The following OR1J2 variants were observed in gnomAD, a reference collection of about 807,000 sequenced individuals.
OR1J2 encodes olfactory receptor 1J2.
For synonymous variants in OR1J2, 142 were observed against 99.7 expected (o/e 1.42, Z -2.52); for missense variants, 304 against 246.1 (o/e 1.24, Z -1.57).
At chr9:122,553,746 C>T in the OR1J2 span, 3 of 1,614,000 alleles carry the variant, frequency 1.9e-6, no homozygotes, top group Non-Finnish European at 2.5e-6. Context: ...AGCCATCCCT[C>T]ATTTCTATTG....
chr9:122,553,415 C>T, the OR1J2 span: 1 of 1,614,070 alleles, frequency 6.2e-7, no homozygotes, highest in African/African-American at 1.3e-5. Flanking sequence ...TTCTGGCCAA[C>T]CTGTCATTAA....
At chr9:122,528,982 A>C in the OR1J2 span, among the ~76,000 whole-genome samples, 4 of 152,224 alleles carry the variant, frequency 2.6e-5, no homozygotes, top group Non-Finnish European at 1.5e-5. Context: ...ATTTATATTT[A>C]GAGTCTATAC....
At chr9:122,477,605 C>CA in the OR1J2 span, 39 of 1,613,938 alleles carry the variant, frequency 2.4e-5, no homozygotes, top group Middle Eastern at 1.2e-3. Flanking sequence ...TCTAAGTCAG[C>CA]AAAAAATATG....
At chr9:122,476,318 A>G in the OR1J2 span, among the ~76,000 whole-genome samples, 10 of 152,342 alleles carry the variant, frequency 6.6e-5, no homozygotes, top group South Asian at 1.2e-3. Flanking sequence ...TATCTTCACA[A>G]AAGTGGAAAA....
chr9:122,512,157 A>C (rs992595400), downstream of OR1J2, among the ~76,000 whole-genome samples: 11 of 152,198 alleles, frequency 7.2e-5, no homozygotes, highest in Non-Finnish European at 8.8e-5. Context: ...TCATTAGTGA[A>C]GTAGTGCTTC....
chr9:122,528,592 C>T, the OR1J2 span, among the ~76,000 whole-genome samples: 1,695 of 152,150 alleles, frequency 0.011, 34 homozygotes, highest in African/African-American at 0.039. Context: ...AGCAAGACTC[C>T]GTCTAAAATA....
At chr9:122,514,037 A>C (rs1440399413), downstream of OR1J2, among the ~76,000 whole-genome samples, 1 of 152,246 alleles carries the variant, frequency 6.6e-6, no homozygotes, top group African/African-American at 2.4e-5. Flanking sequence ...TGGTGACAAT[A>C]AATTATCACA....
chr9:122,461,620 A>T, the OR1J2 span, among the ~76,000 whole-genome samples: 4 of 152,114 alleles, frequency 2.6e-5, no homozygotes, highest in East Asian at 7.7e-4. Context: ...ATTTTGTCAT[A>T]TTATCATTTA....
the OR1J2 span, among the ~76,000 whole-genome samples, chr9:122,529,305 G>A: frequency 6.6e-6 from 1 of 152,206 alleles, no homozygotes; most frequent in African/African-American, 2.4e-5. Flanking sequence ...CTACACAGTG[G>A]CAGACAATGC....
At chr9:122,477,187 A>T in the OR1J2 span, 1 of 1,614,200 alleles carries the variant, frequency 6.2e-7, no homozygotes, top group Non-Finnish European at 8.5e-7. Context: ...GATAGTCACC[A>T]CTGAGAGGTG....
the OR1J2 span, among the ~76,000 whole-genome samples, chr9:122,529,486 C>T: frequency 1.3e-5 from 2 of 152,136 alleles, no homozygotes; most frequent in Non-Finnish European, 2.9e-5. Context: ...TCTAGGGCAC[C>T]AACTGCTTAA....
the OR1J2 span, among the ~76,000 whole-genome samples, chr9:122,490,432 T>G: frequency 7.2e-5 from 11 of 152,208 alleles, no homozygotes; most frequent in Non-Finnish European, 1.6e-4. Flanking sequence ...TGCATTGCCA[T>G]TTACGTGGGA....
chr9:122,569,109 G>A, the OR1J2 span, among the ~76,000 whole-genome samples: 2 of 152,046 alleles, frequency 1.3e-5, no homozygotes, highest in Non-Finnish European at 2.9e-5. Context: ...TAAGACGACT[G>A]TTGAACGCAG....
chr9:122,540,081 T>C, the OR1J2 span, among the ~76,000 whole-genome samples: 2 of 152,110 alleles, frequency 1.3e-5, no homozygotes, highest in Non-Finnish European at 1.5e-5. Context: ...TTCACTCTGA[T>C]GGTAGTTTCT....
the OR1J2 span, among the ~76,000 whole-genome samples, chr9:122,479,280 C>T: frequency 2.0e-5 from 3 of 152,072 alleles, no homozygotes; most frequent in Non-Finnish European, 4.4e-5. Context: ...CTCATTGTTC[C>T]ACTCAGAATT....
At chr9:122,524,218 A>G in the OR1J2 span, among the ~76,000 whole-genome samples, 67 of 152,312 alleles carry the variant, frequency 4.4e-4, no homozygotes, top group Admixed American at 6.5e-4. Context: ...CAAGCTGTAC[A>G]GGTTTGTAGC....
chr9:122,457,880 ATACTC>A, the OR1J2 span, among the ~76,000 whole-genome samples: 3 of 152,302 alleles, frequency 2.0e-5, no homozygotes, highest in South Asian at 2.1e-4. Context: ...AAACCACAAA[ATACTC>A]TATCTCTATT....
the OR1J2 span, chr9:122,567,112 A>G: frequency 6.6e-6 from 1 of 152,560 alleles, no homozygotes; most frequent in Non-Finnish European, 1.5e-5. Flanking sequence ...GCTAAAATAT[A>G]TATCCTCCTC....
At chr9:122,554,354 T>A in the OR1J2 span, 2 of 547,200 alleles carry the variant, frequency 3.7e-6, no homozygotes, top group South Asian at 2.3e-5. Context: ...TGTCTCAGCC[T>A]CTTTCCTGAC....
Sources: gnomAD v4.1 joint callset for allele counts (sites outside exome capture counted in the v4.1 genomes callset) on GRCh38, gnomAD v4.1.1 for gene constraint, MANE v1.5 for transcripts, NCBI Gene and HGNC (gene_info 2026-07-23, HGNC 2026-07-21) for gene names.